Variants in SECISBP2L observed in about 807,000 individuals in gnomAD.
SECISBP2L encodes selenocysteine insertion sequence-binding protein 2-like.
SECISBP2L carries 43 observed loss-of-function variants against 114.7 expected under a neutral mutation model. That is an observed-to-expected ratio of 0.38 (90% CI 0.29 to 0.48). The LOEUF (loss-of-function observed/expected upper bound fraction) is 0.48, where lower values mean the gene tolerates loss of function less well. Ranked by LOEUF, SECISBP2L falls within the 20% of genes least tolerant of loss-of-function variation. SECISBP2L has a pLI of 0.98. For missense variants in SECISBP2L, 1,136 were observed against 1,301.1 expected (o/e 0.87, Z 1.95); for synonymous variants, 451 against 439.7 (o/e 1.03, Z -0.32).
intron 2 of SECISBP2L, 165 bp downstream of exon 2, chr15:49,037,426 A>T: frequency 1.7e-6 from 1 of 573,492 alleles, no homozygotes; most frequent in South Asian, 2.6e-5. Context: ...AAAAAATGAG[A>T]AACTAATCCA....
At chr15:49,029,222 T>C (rs1733043051) in intron 4 of SECISBP2L, among the ~76,000 whole-genome samples, 1 of 152,156 alleles carries the variant, frequency 6.6e-6, no homozygotes, top group African/African-American at 2.4e-5. Context: ...AAAACCACCA[T>C]CAACCATTTA....
intron 12 of SECISBP2L, 51 bp downstream of exon 12, chr15:49,012,597 A>C (rs1222451169): frequency 6.3e-7 from 1 of 1,579,962 alleles, no homozygotes; most frequent in Non-Finnish European, 8.6e-7. Context: ...AAAACAGATT[A>C]AAATCCTTAT....
At chr15:49,005,358 T>C (rs1203570281) in intron 14 of SECISBP2L, among the ~76,000 whole-genome samples, 1 of 152,026 alleles carries the variant, frequency 6.6e-6, no homozygotes, top group African/African-American at 2.4e-5. Context: ...TATTTTTGTG[T>C]AGGAGTCTAA....
Position 48,992,396 on chromosome 15 carries a change from C to T in SECISBP2L, c.3154G>A (p.Glu1052Lys), listed in dbSNP as rs751652962. The change falls in exon 18 of 18, where the codon GAA (glutamate) becomes AAA (lysine). Residue 1052 changes from glutamate to lysine, a missense_variant. Transcript: ENST00000559471. Reference sequence around the variant, plus strand: ...TCCAGCACCTCAGGCGCCTCTGCTTCCTCTTCTCCACTTTGCTCTACATTG... The same window carrying T: ...TCCAGCACCTCAGGCGCCTCTGCTTTCTCTTCTCCACTTTGCTCTACATTG... ...EDNVEQSGEE[E>K]AEAPEVLEPG... is the part of the protein sequence containing the mutation. The T allele has an allele frequency of 3.7e-6, 6 of 1,614,188 alleles. No homozygotes were observed. The Admixed American group carries it at 1.0e-4, about 27-fold the overall frequency.
Position 49,046,270 on chromosome 15 carries a change from G to A in SECISBP2L, c.24+6C>T. On this transcript the variant is annotated splice_donor_region_variant and intron_variant, in intron 1 of 17. Transcript: ENST00000559471. ...GGCTCGGCGGGCCCAGCCCAAACCC[G>A]CGTACCTGCTCCGTGGGGGCTCGGT... 1 of 1,561,622 alleles carries A rather than the reference G, an allele frequency of 6.4e-7. No individual in the cohort carries two copies. Among genetic ancestry groups the A allele is most frequent in the South Asian group, 1.2e-5 (1 of 85,106 alleles).
At chr15:49,021,734 C>T (rs1038708115) in intron 7 of SECISBP2L, among the ~76,000 whole-genome samples, 1 of 152,192 alleles carries the variant, frequency 6.6e-6, no homozygotes, top group Non-Finnish European at 1.5e-5. Flanking sequence ...CTGATTCTTA[C>T]ACTTCGAGAC....
intron 7 of SECISBP2L, among the ~76,000 whole-genome samples, chr15:49,025,293 C>G (rs1030066737): frequency 1.3e-5 from 2 of 151,974 alleles, no homozygotes; most frequent in Non-Finnish European, 2.9e-5. Flanking sequence ...TTGAGTTATT[C>G]CTTATCTGAA....
chr15:49,032,647 T>A (rs1399357684), intron 4 of SECISBP2L, among the ~76,000 whole-genome samples: 2 of 152,248 alleles, frequency 1.3e-5, no homozygotes, highest in African/African-American at 2.4e-5. Flanking sequence ...TGTACAATTT[T>A]AATTTTAACC....
intron 17 of SECISBP2L, chr15:48,996,165 T>G (rs1902080858): frequency 1.8e-6 from 1 of 551,422 alleles, no homozygotes; most frequent in Non-Finnish European, 3.2e-6. Context: ...GGAACTGTGA[T>G]TAAATTCTGG....
At chr15:49,018,653 C>G (rs1902584066) in intron 8 of SECISBP2L, among the ~76,000 whole-genome samples, 1 of 152,178 alleles carries the variant, frequency 6.6e-6, no homozygotes, top group Non-Finnish European at 1.5e-5. Flanking sequence ...AATTTATGAT[C>G]CAACCAAAAT....
chr15:49,038,744 T>C lies in SECISBP2L; in HGVS notation c.25-975A>G, dbSNP rs1039654471. On this transcript the variant is annotated intron_variant, in intron 1 of 17. Transcript: ENST00000559471. Reference sequence around the variant, plus strand: ...TTTTGAAATCATTAAGTACATTCTGTAAAAAATCATATAAATATTATAATA... The same window carrying C: ...TTTTGAAATCATTAAGTACATTCTGCAAAAAATCATATAAATATTATAATA... 3.3e-5 allele frequency among the ~76,000 whole-genome samples: 5 copies of C among 152,116 alleles called. No individual in the cohort carries two copies. In the South Asian group the frequency reaches 1.0e-3, roughly 31 times the overall value.
chr15:48,993,100 A>AGAGAGTGTGTGTGT (rs772299775), intron 17 of SECISBP2L, among the ~76,000 whole-genome samples, 174 bp from the exon 18 acceptor site: 1,412 of 139,176 alleles, frequency 0.01, 21 homozygotes, highest in African/African-American at 0.034. Context: ...ACAGAGAGAG[A>AGAGAGTGTGTGTGT]GTGTGTGTGT....
intron 1 of SECISBP2L, among the ~76,000 whole-genome samples, chr15:49,042,039 T>C (rs1033623030): frequency 6.6e-6 from 1 of 152,204 alleles, no homozygotes; most frequent in Non-Finnish European, 1.5e-5. Flanking sequence ...TTGCTACCCA[T>C]ACTTTTCCTT....
intron 9 of SECISBP2L, among the ~76,000 whole-genome samples, chr15:49,017,276 G>A (rs540990263): frequency 6.6e-6 from 1 of 152,140 alleles, no homozygotes; most frequent in Admixed American, 6.6e-5. Context: ...GTAAAATTTT[G>A]CAACAGTTGG....
intron 8 of SECISBP2L, among the ~76,000 whole-genome samples, chr15:49,019,094 T>C (rs575516305): frequency 5.5e-4 from 84 of 152,254 alleles, no homozygotes; most frequent in African/African-American, 1.9e-3. Flanking sequence ...TTCAAATGGA[T>C]TGAATAACAA....
intron 1 of SECISBP2L, among the ~76,000 whole-genome samples, chr15:49,045,435 G>A (rs2141091719): frequency 6.6e-6 from 1 of 152,318 alleles, no homozygotes; most frequent in East Asian, 1.9e-4. Flanking sequence ...GGAATAGAGA[G>A]TGAATAAACT....
intron 7 of SECISBP2L, among the ~76,000 whole-genome samples, chr15:49,022,318 A>G (rs548723850): frequency 1.6e-4 from 25 of 152,292 alleles, no homozygotes; most frequent in Admixed American, 3.9e-4. Flanking sequence ...AAACGATTCA[A>G]GCCAGGTGCG....
At chr15:49,028,051 T>A (rs1445086236) in intron 6 of SECISBP2L, 93 bp downstream of exon 6, 7 of 1,147,170 alleles carry the variant, frequency 6.1e-6, no homozygotes, top group Non-Finnish European at 7.5e-6. Flanking sequence ...CTAAGTTTTT[T>A]TTGCAGTATC....
At chr15:48,996,683 G>C (rs112995061) in intron 16 of SECISBP2L, 97 bp from the exon 17 acceptor site, 2 of 1,012,782 alleles carry the variant, frequency 2.0e-6, no homozygotes, top group Non-Finnish European at 2.9e-6. Flanking sequence ...TTCAGGGTCA[G>C]ACACTTTCAA....
Sources: gnomAD v4.1 joint callset for allele counts (sites outside exome capture counted in the v4.1 genomes callset) on GRCh38, gnomAD v4.1.1 for gene constraint, MANE v1.5 for transcripts, NCBI Gene and HGNC (gene_info 2026-07-23, HGNC 2026-07-21) for gene names.